Variants in ERN1 observed in about 807,000 individuals in gnomAD.
ERN1 encodes serine/threonine-protein kinase/endoribonuclease IRE1.
Under a neutral mutation model 113.1 loss-of-function variants are expected in ERN1, and 39 were observed. That is an observed-to-expected ratio of 0.34 (90% CI 0.27 to 0.45). The LOEUF is 0.45. Ranked by LOEUF, ERN1 falls within the 20% of genes least tolerant of loss-of-function variation. The probability of loss-of-function intolerance (pLI) is 1.00; values close to 1 mark genes in which losing one functional copy is unlikely to be tolerated. For synonymous variants in ERN1, 507 were observed against 515.9 expected (o/e 0.98, Z 0.23); for missense variants, 976 against 1,274.8 (o/e 0.77, Z 3.57).
intron 1 of ERN1, among the ~76,000 whole-genome samples, chr17:64,105,869 C>T (rs948516096): frequency 2.1e-5 from 3 of 142,118 alleles, no homozygotes; most frequent in Non-Finnish European, 3.1e-5. Context: ...GCAGGAGAAT[C>T]GATTGAACCT....
chr17:64,071,937 T>C, intron 6 of ERN1, 44 bp downstream of exon 6: 1 of 1,548,976 alleles, frequency 6.5e-7, no homozygotes, highest in South Asian at 1.2e-5. Context: ...CTTCCGATCT[T>C]CTGGAAACAG....
rs191356925 is a variant in ERN1, at chr17:64,056,756, C to T, written c.1399-808G>A. 1.2e-4 allele frequency among the ~76,000 whole-genome samples: 19 copies of T among 152,252 alleles called. 1 individual carries two copies. Among genetic ancestry groups the T allele is most frequent in the Admixed American group, 9.8e-4 (15 of 15,290 alleles). On this transcript the variant is annotated intron_variant, in intron 12 of 21. Transcript: ENST00000433197. ...GAAATGCCGTCTACTAGCTGGGTAC[C>T]CGTGGGGAAAGTTACTTAGCTTCTC...
intron 18 of ERN1, among the ~76,000 whole-genome samples, chr17:64,048,214 A>G (rs974129969): frequency 6.6e-6 from 1 of 152,238 alleles, no homozygotes; most frequent in African/African-American, 2.4e-5. Context: ...GCCCAAGTGG[A>G]TACACTACGG....
At chr17:64,053,219 G>T in intron 16 of ERN1, 53 bp downstream of exon 16, 1 of 1,461,134 alleles carries the variant, frequency 6.8e-7, no homozygotes, top group Non-Finnish European at 9.3e-7. Flanking sequence ...CCCCACCTGG[G>T]CCACTGATTC....
At chr17:64,114,946 T>C (rs1598088791) in intron 1 of ERN1, among the ~76,000 whole-genome samples, 1 of 152,000 alleles carries the variant, frequency 6.6e-6, no homozygotes, top group African/African-American at 2.4e-5. Context: ...CCAAGGCAGG[T>C]TTTCTTGCTT....
At chr17:64,115,397 G>A (rs918165873) in intron 1 of ERN1, among the ~76,000 whole-genome samples, 13 of 152,196 alleles carry the variant, frequency 8.5e-5, no homozygotes, top group South Asian at 2.1e-4. Context: ...AGGCAATGCC[G>A]CCCCAAGGCC....
chr17:64,080,081 T>C (rs979715698), intron 3 of ERN1, among the ~76,000 whole-genome samples: 10 of 152,210 alleles, frequency 6.6e-5, no homozygotes, highest in Admixed American at 3.3e-4. Flanking sequence ...AATTTCTACA[T>C]CAATTGTATA....
In ERN1 at chr17:64,064,124, C is replaced by G; in HGVS notation, c.949G>C (p.Glu317Gln). The G allele has an allele frequency of 6.2e-7, 1 of 1,607,126 alleles. No individual in the cohort carries two copies. The highest frequency in any genetic ancestry group is 8.5e-7 in the Non-Finnish European group (1 of 1,176,596). ...GTGACGCCATCAGTCTGGGGCCCTT[C>G]CAGCAAAGGAAGTGTGCTGCCGCGG... ...VPRGSTLPLLEGPQTDGVTIG... is the reference protein window; with the variant it reads ...VPRGSTLPLLQGPQTDGVTIG... The change falls in exon 10 of 22, where the codon GAA (glutamate) becomes CAA (glutamine). Residue 317 changes from glutamate (E) to glutamine (Q), a missense_variant. Physicochemically the swap from Glu to Gln is conservative, Grantham distance 29. Coordinates refer to ENST00000433197, the MANE Select transcript of ERN1 (RefSeq NM_001433.5).
chr17:64,117,641 C>T (rs961955489), intron 1 of ERN1, among the ~76,000 whole-genome samples: 1 of 152,088 alleles, frequency 6.6e-6, no homozygotes, highest in Non-Finnish European at 1.5e-5. Context: ...CACTAAGTGA[C>T]GTGGTGCTAT....
At chr17:64,101,071 C>A (rs1483051225) in intron 1 of ERN1, among the ~76,000 whole-genome samples, 4 of 151,994 alleles carry the variant, frequency 2.6e-5, no homozygotes, top group African/African-American at 9.7e-5. Context: ...CCCAAACAGT[C>A]CCCACCACAC....
chr17:64,114,676 G>A (rs572216105), intron 1 of ERN1, among the ~76,000 whole-genome samples: 2 of 152,004 alleles, frequency 1.3e-5, no homozygotes, highest in African/African-American at 2.4e-5. Flanking sequence ...GGAAAGAACA[G>A]GAAGGTTGCT....
intron 4 of ERN1, among the ~76,000 whole-genome samples, chr17:64,077,573 G>A (rs532560454): frequency 6.6e-6 from 1 of 152,098 alleles, no homozygotes; most frequent in Non-Finnish European, 1.5e-5. Flanking sequence ...TCACGCTTGT[G>A]AGTCATCCGC....
At chr17:64,061,799 G>A (rs372450658) in intron 10 of ERN1, among the ~76,000 whole-genome samples, 14 of 152,200 alleles carry the variant, frequency 9.2e-5, no homozygotes, top group African/African-American at 3.1e-4. Flanking sequence ...AGAGACCTAC[G>A]GTCTAAGAAA....
intron 7 of ERN1, chr17:64,067,972 TTGTCACCA>T (rs1913287824): frequency 3.9e-6 from 2 of 507,300 alleles, no homozygotes; most frequent in East Asian, 6.3e-5. Context: ...CTGGCTAAGC[TTGTCACCA>T]TTTTACTTCG....
intron 19 of ERN1, among the ~76,000 whole-genome samples, chr17:64,047,180 G>A (rs1912538049): frequency 6.6e-6 from 1 of 152,162 alleles, no homozygotes; most frequent in Non-Finnish European, 1.5e-5. Context: ...CCAACATGGT[G>A]AAACCCCATC....
At chr17:64,102,633 G>A in intron 1 of ERN1, 3 of 976,598 alleles carry the variant, frequency 3.1e-6, no homozygotes, top group Non-Finnish European at 3.6e-6. Flanking sequence ...GTTTCCAGAT[G>A]CCTTGTGTGA....
rs1912833761 is a variant in ERN1, at chr17:64,055,576, C to T, written c.1672+99G>A. 2.6e-6 allele frequency: 3 copies of T among 1,173,916 alleles called. No individual in the cohort carries two copies. The East Asian group carries it at 8.1e-5, about 32-fold the overall frequency. The allele number at this position is 1,173,916 out of a possible 1,614,324, so 72.7% of individuals were successfully genotyped here. On this transcript the variant is annotated intron_variant, in intron 13 of 21. Transcript: ENST00000433197. ...AGTTAGAGGAGAACACAGTGAACCC[C>T]TGAGAATGGTAGTTTACAATCTTAT... is the stretch of plus-strand genomic sequence containing the variant.
intron 3 of ERN1, 98 bp from the exon 4 acceptor site, chr17:64,079,832 G>A: frequency 2.2e-6 from 2 of 917,968 alleles, no homozygotes; most frequent in Admixed American, 2.1e-5. Flanking sequence ...AATAGAGAGT[G>A]GAGGGTGGTT....
intron 5 of ERN1, among the ~76,000 whole-genome samples, chr17:64,073,737 C>T (rs1406483687): frequency 3.3e-5 from 5 of 152,110 alleles, no homozygotes; most frequent in South Asian, 2.1e-4. Context: ...GTGATCTGCC[C>T]GCCTCAGCCT....
Sources: gnomAD v4.1 joint callset for allele counts (sites outside exome capture counted in the v4.1 genomes callset) on GRCh38, gnomAD v4.1.1 for gene constraint, MANE v1.5 for transcripts, NCBI Gene and HGNC (gene_info 2026-07-23, HGNC 2026-07-21) for gene names.